The following FARSB variants were observed in gnomAD, a reference collection of about 807,000 sequenced individuals.
FARSB encodes phenylalanine--tRNA ligase beta subunit.
In FARSB, 40 loss-of-function variants were observed where a neutral mutation model predicts 69.6. The ratio of observed to expected loss-of-function variants is 0.57; its 90% CI spans 0.45 to 0.75. The LOEUF is 0.75. Among genes scored for constraint, FARSB ranks in the 30% least tolerant of loss-of-function variants. The pLI is 0.00. For synonymous variants in FARSB, 235 were observed against 247.2 expected, an observed-to-expected ratio of 0.95 and a Z score of 0.46; for missense variants, 632 against 722.9, an observed-to-expected ratio of 0.87 and a Z score of 1.44.
intron 16 of FARSB, among the ~76,000 whole-genome samples, chr2:222,589,007 C>G (rs1001417548): frequency 2.6e-5 from 4 of 152,164 alleles, no homozygotes; most frequent in African/African-American, 9.7e-5. Context: ...TTGGAAAAAA[C>G]TACTTTAAAG....
In FARSB at chr2:222,639,683, G is replaced by A. The variant is rs1449497502; in HGVS notation, c.352C>T (p.Arg118Cys). The A allele has an allele frequency of 3.2e-6, 5 of 1,541,610 alleles. No homozygotes were observed. The highest frequency in any genetic ancestry group is 1.2e-5 in the South Asian group (1 of 81,588). Residue 118 changes from arginine to cysteine, a missense_variant, in exon 5 of 17, where the codon CGT becomes TGT. Arg to Cys is a radical substitution (Grantham distance 180). Transcript: ENST00000281828. The part of the protein sequence containing the change: ...LIITEETAKI[R>C]PFAVAAVLRN... ...AGAACTGCTGCTACCGCAAAAGGAC[G>A]TATCTTAGCTGTCTGAAATTCATAA... is the stretch of plus-strand genomic sequence containing the variant.
chr2:222,642,687 A>G (rs529538870), intron 3 of FARSB, among the ~76,000 whole-genome samples, 164 bp downstream of exon 3: 143 of 152,380 alleles, frequency 9.4e-4, no homozygotes, highest in Non-Finnish European at 1.7e-3. Context: ...TCAAATGGCT[A>G]CAATCTGCAT....
chr2:222,604,862 C>T (rs1291329635), intron 15 of FARSB, among the ~76,000 whole-genome samples: 4 of 151,854 alleles, frequency 2.6e-5, no homozygotes. Flanking sequence ...CATGAGCCAC[C>T]ATGCCAGACC....
At chr2:222,615,894 A>G (rs1490040532) in intron 14 of FARSB, among the ~76,000 whole-genome samples, 4 of 152,238 alleles carry the variant, frequency 2.6e-5, no homozygotes, top group Non-Finnish European at 5.9e-5. Flanking sequence ...AAACAAAACT[A>G]CAATGTTAAA....
intron 14 of FARSB, among the ~76,000 whole-genome samples, chr2:222,616,592 T>C (rs553765434): frequency 9.2e-5 from 13 of 141,056 alleles, no homozygotes; most frequent in Admixed American, 4.2e-4. Flanking sequence ...ACTAAAACAA[T>C]GACTGGATAT....
At chr2:222,615,754 T>A (rs1384820276) in intron 14 of FARSB, among the ~76,000 whole-genome samples, 1 of 152,230 alleles carries the variant, frequency 6.6e-6, no homozygotes, top group Non-Finnish European at 1.5e-5. Flanking sequence ...GATTGTGTTT[T>A]GAATGAAAAA....
intron 16 of FARSB, among the ~76,000 whole-genome samples, chr2:222,593,449 T>A (rs1690329022): frequency 6.6e-6 from 1 of 152,244 alleles, no homozygotes; most frequent in Non-Finnish European, 1.5e-5. Flanking sequence ...TCACATTGAA[T>A]GGGAGGCCAT....
At chr2:222,636,600 T>C (rs898381128) in intron 5 of FARSB, among the ~76,000 whole-genome samples, 3 of 152,084 alleles carry the variant, frequency 2.0e-5, no homozygotes, top group African/African-American at 7.2e-5. Flanking sequence ...ATTCCAAATA[T>C]AGTAAGATAT....
chr2:222,631,233 G>A (rs1009978735), intron 8 of FARSB, among the ~76,000 whole-genome samples: 5 of 150,162 alleles, frequency 3.3e-5, no homozygotes, highest in Non-Finnish European at 5.9e-5. Flanking sequence ...AAATTACTCC[G>A]CATATAAATT....
rs190810257 is a variant in FARSB, at chr2:222,654,373, G to T, written c.58+1643C>A. ...TTCCATAAAATTAACTTCAGGCTAT[G>T]CATATAAGGTATATGTGAAATATAA... On this transcript the variant is annotated intron_variant, in intron 1 of 16. Coordinates refer to ENST00000281828, the MANE Select transcript of FARSB (RefSeq NM_005687.5). Among the ~76,000 whole-genome samples the T allele has an allele frequency of 1.1e-4, 16 of 152,300 alleles. 1 individual carries two copies. The East Asian group carries it at 3.1e-3, about 29-fold the overall frequency.
intron 16 of FARSB, among the ~76,000 whole-genome samples, chr2:222,577,043 G>GA (rs1284574331): frequency 2.6e-5 from 4 of 152,134 alleles, no homozygotes; most frequent in Admixed American, 2.6e-4. Flanking sequence ...ACTCAAGGGG[G>GA]AAAACGGTAC....
intron 1 of FARSB, among the ~76,000 whole-genome samples, chr2:222,650,844 G>A (rs895065983): frequency 6.6e-5 from 10 of 152,246 alleles, no homozygotes; most frequent in South Asian, 2.1e-4. Context: ...GCTACTCCCC[G>A]ATTCCTGTCT....
At chr2:222,654,339 T>A (rs1490212814) in intron 1 of FARSB, among the ~76,000 whole-genome samples, 1 of 152,222 alleles carries the variant, frequency 6.6e-6, no homozygotes, top group Admixed American at 6.5e-5. Flanking sequence ...AAAAAAATTA[T>A]TTAAAGTATT....
chr2:222,612,637 G>A (rs1191216001), intron 15 of FARSB, among the ~76,000 whole-genome samples: 4 of 152,170 alleles, frequency 2.6e-5, no homozygotes, highest in Admixed American at 1.3e-4. Context: ...AGTAAGCATC[G>A]CTGCATAAAC....
At chr2:222,599,125 C>T (rs1404084959) in intron 16 of FARSB, among the ~76,000 whole-genome samples, 7 of 151,998 alleles carry the variant, frequency 4.6e-5, no homozygotes, top group African/African-American at 1.7e-4. Context: ...TCATTACTAA[C>T]TGTTAAATAA....
chr2:222,609,671 G>C lies in FARSB; in HGVS notation c.1462+4140C>G, dbSNP rs150939514. Among the ~76,000 whole-genome samples, 221 of 152,318 alleles carry C rather than the reference G, an allele frequency of 1.5e-3. 1 individual carries two copies. Among genetic ancestry groups the C allele is most frequent in the Admixed American group, 0.013 (193 of 15,302 alleles). Reference sequence around the variant, plus strand: ...ACCTGAATGTGTCTGATTTAGAGTGGAAGTCTTAATGCTCAAAAAGTGTGC... The same window carrying C: ...ACCTGAATGTGTCTGATTTAGAGTGCAAGTCTTAATGCTCAAAAAGTGTGC... On this transcript the variant is annotated intron_variant, in intron 15 of 16. Transcript: ENST00000281828.
At chr2:222,611,344 C>T (rs1690843807) in intron 15 of FARSB, among the ~76,000 whole-genome samples, 1 of 150,834 alleles carries the variant, frequency 6.6e-6, no homozygotes, top group African/African-American at 2.4e-5. Context: ...AAACAAAGTA[C>T]TGCAGAAACG....
intron 5 of FARSB, 32 bp downstream of exon 5, chr2:222,639,548 A>C: frequency 9.9e-7 from 1 of 1,011,926 alleles, no homozygotes; most frequent in Non-Finnish European, 1.5e-6. Context: ...GGAAAGGGGA[A>C]GGCAAGGAAG....
chr2:222,637,589 G>A (rs890654015), intron 5 of FARSB, among the ~76,000 whole-genome samples: 7 of 152,164 alleles, frequency 4.6e-5, no homozygotes, highest in Admixed American at 2.0e-4. Context: ...AGTAGGCAAA[G>A]GGTCTTGCCT....
Sources: allele counts gnomAD v4.1 joint callset (sites outside exome capture counted in the v4.1 genomes callset), GRCh38; gene constraint gnomAD v4.1.1; transcripts MANE v1.5; gene names NCBI Gene and HGNC (gene_info 2026-07-23, HGNC 2026-07-21).